EPB41: variants seen among roughly 807,000 people sequenced by gnomAD.
The protein encoded by EPB41 is erythrocyte membrane protein band 4.1, also known as protein 4.1.
A neutral mutation model predicts 108.0 loss-of-function variants in EPB41; 65 were observed. That is an observed-to-expected ratio of 0.60 (90% CI 0.49 to 0.74). The LOEUF (loss-of-function observed/expected upper bound fraction) is 0.74, where lower values mean the gene tolerates loss of function less well. EPB41 is among the 30% of genes least tolerant of loss of function. The probability of loss-of-function intolerance (pLI) is 0.00; values close to 1 mark genes in which losing one functional copy is unlikely to be tolerated. For missense variants in EPB41, 875 were observed against 1,037.0 expected (o/e 0.84, Z 2.15); for synonymous variants, 336 against 358.9 (o/e 0.94, Z 0.72).
intron 16 of EPB41, among the ~76,000 whole-genome samples, chr1:29,066,250 C>A (rs1480692185): frequency 6.6e-6 from 1 of 151,972 alleles, no homozygotes; most frequent in Non-Finnish European, 1.5e-5. Flanking sequence ...GAAACCCCAT[C>A]TCTACTAAAT....
At chr1:28,974,776 T>C (rs910124951) in intron 1 of EPB41, among the ~76,000 whole-genome samples, 2 of 151,500 alleles carry the variant, frequency 1.3e-5, no homozygotes, top group Admixed American at 6.6e-5. Context: ...CTCTTCTCTA[T>C]TTCAGTTTTT....
Position 28,987,866 on chromosome 1 carries a change from A to G in EPB41, c.429A>G (p.Pro143=). The change falls in exon 2 of 21, where the codon CCA becomes CCG. Residue 143 remains proline (P), a synonymous_variant. Coordinates refer to ENST00000343067, the MANE Select transcript of EPB41 (RefSeq NM_001376013.1). ...AAPEPELKTD[P]SLDLHSLSSA... ...CTGAACCGGAACTCAAAACAGACCC[A>G]TCTTTGGATCTTCATTCATTAAGCA... 1 of 1,614,236 alleles carries G rather than the reference A, an allele frequency of 6.2e-7. No individual in the cohort carries two copies. Among genetic ancestry groups the G allele is most frequent in the African/African-American group, 1.3e-5 (1 of 75,058 alleles).
intron 1 of EPB41, among the ~76,000 whole-genome samples, chr1:28,895,082 G>A (rs909264354): frequency 1.3e-5 from 2 of 152,106 alleles, no homozygotes; most frequent in African/African-American, 2.4e-5. Context: ...TGCCTTACCT[G>A]TAAAGTAGGG....
intron 1 of EPB41, among the ~76,000 whole-genome samples, chr1:28,953,014 C>T (rs1352625612): frequency 1.3e-5 from 2 of 152,178 alleles, no homozygotes; most frequent in Non-Finnish European, 2.9e-5. Context: ...CAGGCATGAG[C>T]CACTGCGCCC....
chr1:28,990,347 C>CCCTCCCTCCCTT (rs1373436744), intron 2 of EPB41, among the ~76,000 whole-genome samples: 1 of 133,448 alleles, frequency 7.5e-6, no homozygotes, highest in Non-Finnish European at 1.6e-5. Context: ...CTCCCTCCCT[C>CCCTCCCTCCCTT]CCTCCCTCCC....
chr1:28,966,219 T>G (rs1441628199), intron 1 of EPB41, among the ~76,000 whole-genome samples: 3 of 152,094 alleles, frequency 2.0e-5, no homozygotes, highest in Non-Finnish European at 4.4e-5. Flanking sequence ...ATTTTGTAAT[T>G]AAGTTACAGT....
At chr1:28,926,941 G>C (rs2093479176) in intron 1 of EPB41, among the ~76,000 whole-genome samples, 1 of 152,186 alleles carries the variant, frequency 6.6e-6, no homozygotes, top group Non-Finnish European at 1.5e-5. Flanking sequence ...ACATTTTTAT[G>C]CCTGAGTGTG....
chr1:29,070,540 A>G, intron 16 of EPB41: 2 of 1,232,100 alleles, frequency 1.6e-6, no homozygotes, highest in Non-Finnish European at 2.0e-6. Flanking sequence ...GTACTTTTCC[A>G]TCTCCTCGTA....
intron 6 of EPB41, among the ~76,000 whole-genome samples, chr1:29,016,342 A>ATTTTT (rs11362146): frequency 1.5e-5 from 2 of 135,778 alleles, no homozygotes; most frequent in Non-Finnish European, 3.1e-5. Flanking sequence ...CGCCCTGCTA[A>ATTTTT]TTTTTTTTTT....
At position 28,887,829 on chromosome 1, in the gene EPB41, T is replaced by A. The variant is rs901614217; in HGVS notation, c.-8+619T>A. On this transcript the variant is annotated intron_variant, in intron 1 of 16. Transcript: ENST00000347529. This position sits in a 1 kb window ranked among gnomAD's most constrained non-coding sequence, Gnocchi z 4.9. Reference sequence around the variant, plus strand: ...CCCTGCCAGGCTTGGTCTAGGGGACTTCCCTCTGTCTGGGTCTCCCGGGTC... The same window carrying A: ...CCCTGCCAGGCTTGGTCTAGGGGACATCCCTCTGTCTGGGTCTCCCGGGTC... 1.4e-5 allele frequency: 4 copies of A among 278,946 alleles called. No homozygotes were observed. Among genetic ancestry groups the A allele is most frequent in the Admixed American group, 1.3e-4 (2 of 15,436 alleles). The allele number at this position is 278,946 out of a possible 1,614,324, so 17.3% of individuals were successfully genotyped here. A position where few individuals can be genotyped will look rare whatever the true frequency, so the allele number is the denominator to read the frequency against.
At chr1:28,954,609 T>G (rs2094872007) in intron 1 of EPB41, among the ~76,000 whole-genome samples, 2 of 152,212 alleles carry the variant, frequency 1.3e-5, no homozygotes, top group Admixed American at 1.3e-4. Flanking sequence ...GGCTCAAACT[T>G]CACACAATAT....
chr1:28,955,546 T>C (rs573449350), intron 1 of EPB41, among the ~76,000 whole-genome samples: 22 of 152,288 alleles, frequency 1.4e-4, no homozygotes, highest in African/African-American at 4.8e-4. Context: ...AGTTTCACCA[T>C]GTTGGTCAGG....
At chr1:29,048,971 C>T (rs1203180521) in intron 11 of EPB41, among the ~76,000 whole-genome samples, 3 of 152,022 alleles carry the variant, frequency 2.0e-5, no homozygotes, top group African/African-American at 4.8e-5. Flanking sequence ...TACTTTTTCC[C>T]GTTGAGTCAC....
intron 1 of EPB41, among the ~76,000 whole-genome samples, chr1:28,927,653 C>G (rs769814614): frequency 2.6e-5 from 4 of 152,122 alleles, no homozygotes; most frequent in African/African-American, 9.7e-5. Context: ...CCTCCCTCCC[C>G]CTTCTTTCCT....
rs185767528 is a variant in EPB41, at chr1:29,060,268, C to T, written c.1945-154C>T. ...TCTTGTGGTAATCATGTTCTGTGTC[C>T]GTGTGACTCTCTGACCATTTCATGT... On this transcript the variant is annotated intron_variant, in intron 14 of 20. Coordinates refer to ENST00000343067, the MANE Select transcript of EPB41 (RefSeq NM_001376013.1). 2.1e-3 allele frequency among the ~76,000 whole-genome samples: 314 copies of T among 152,220 alleles called. 1 individual carries two copies. Among genetic ancestry groups the T allele is most frequent in the African/African-American group, 6.6e-3 (275 of 41,524 alleles).
chr1:28,935,468 C>CA (rs1491193201), intron 1 of EPB41, among the ~76,000 whole-genome samples: 18,542 of 41,414 alleles, frequency 0.45, 4,158 homozygotes, highest in East Asian at 0.57. Flanking sequence ...CACACACACA[C>CA]CCCCCCCCCC....
At chr1:29,031,541 A>G (rs1227362093) in intron 8 of EPB41, among the ~76,000 whole-genome samples, 1 of 152,116 alleles carries the variant, frequency 6.6e-6, no homozygotes, top group Non-Finnish European at 1.5e-5. Flanking sequence ...TCACCTAGGA[A>G]CTTGTTAGAA....
intron 7 of EPB41, among the ~76,000 whole-genome samples, chr1:29,022,372 T>TAAAAA (rs370103452): frequency 1.2e-3 from 128 of 110,668 alleles, no homozygotes; most frequent in East Asian, 2.1e-3. Flanking sequence ...ATTGATATAA[T>TAAAAA]AAAAAAAAAA....
intron 19 of EPB41, 135 bp downstream of exon 19, chr1:29,112,583 A>G (rs996438580): frequency 2.8e-6 from 2 of 720,388 alleles, no homozygotes; most frequent in Non-Finnish European, 2.5e-6. Context: ...GAAGAAAGAC[A>G]AAGACAATCA....
Sources: allele counts gnomAD v4.1 joint callset (sites outside exome capture counted in the v4.1 genomes callset), GRCh38; gene constraint gnomAD v4.1.1; non-coding constraint Gnocchi (gnomAD v3.1); transcripts MANE v1.5; gene names NCBI Gene and HGNC (gene_info 2026-07-23, HGNC 2026-07-21).